The following PRKCH variants were observed in gnomAD, a reference collection of about 807,000 sequenced individuals.
PRKCH encodes protein kinase C eta, also known as protein kinase C eta type.
A neutral mutation model predicts 82.5 loss-of-function variants in PRKCH; 28 were observed. The observed-to-expected ratio is 0.34, with a 90% CI of 0.25 to 0.47. The LOEUF (loss-of-function observed/expected upper bound fraction) is 0.47, where lower values mean the gene tolerates loss of function less well. Ranked by LOEUF, PRKCH falls within the 20% of genes least tolerant of loss-of-function variation. The pLI is 1.00. For missense variants in PRKCH, 705 were observed against 881.8 expected, an observed-to-expected ratio of 0.80 and a Z score of 2.54; for synonymous variants, 322 against 327.4, an observed-to-expected ratio of 0.98 and a Z score of 0.18.
chr14:61,416,310 C>T (rs1332582325), intron 2 of PRKCH, among the ~76,000 whole-genome samples: 1 of 152,110 alleles, frequency 6.6e-6, no homozygotes, highest in African/African-American at 2.4e-5. Flanking sequence ...TGGCCTCTGC[C>T]TCCCAAAGTG....
intron 4 of PRKCH, among the ~76,000 whole-genome samples, chr14:61,447,462 T>C (rs1345984594): frequency 2.0e-5 from 3 of 152,222 alleles, no homozygotes; most frequent in Non-Finnish European, 4.4e-5. Context: ...GTTTATAGAA[T>C]ACTTCATCCA....
chr14:61,375,108 T>G (rs2046412888), intron 1 of PRKCH, among the ~76,000 whole-genome samples: 1 of 152,002 alleles, frequency 6.6e-6, no homozygotes, highest in Admixed American at 6.6e-5. Context: ...TTACCCTAAA[T>G]TATCTCTCTC....
Position 61,502,345 on chromosome 14 carries a change from G to A in PRKCH, c.1433+16689G>A, listed in dbSNP as rs146891033. Among the ~76,000 whole-genome samples the A allele has an allele frequency of 9.1e-4, 138 of 152,188 alleles. 2 individuals carry two copies. Among genetic ancestry groups the A allele is most frequent in the South Asian group, 1.7e-3 (8 of 4,826 alleles). On this transcript the variant is annotated intron_variant, in intron 10 of 13. Coordinates refer to ENST00000332981, the MANE Select transcript of PRKCH (RefSeq NM_006255.5). Reference sequence around the variant, plus strand: ...CAAAGTGCTGGGATTACAGACATGAGCCACCATGCCCATTCAATCTTTTCT... The same window carrying A: ...CAAAGTGCTGGGATTACAGACATGAACCACCATGCCCATTCAATCTTTTCT...
At chr14:61,217,653 A>G (rs182473032) in intron 1 of PRKCH, among the ~76,000 whole-genome samples, 1 of 152,264 alleles carries the variant, frequency 6.6e-6, no homozygotes, top group East Asian at 1.9e-4. Flanking sequence ...ACTAATGGGA[A>G]TGCCACCAGA....
chr14:61,533,902 G>A (rs2043074732), intron 12 of PRKCH, among the ~76,000 whole-genome samples: 1 of 152,204 alleles, frequency 6.6e-6, no homozygotes, highest in African/African-American at 2.4e-5. Context: ...AGCAAGGTGT[G>A]CTATGCCAAC....
intron 2 of PRKCH, among the ~76,000 whole-genome samples, chr14:61,411,687 A>G (rs909754144): frequency 1.3e-5 from 2 of 152,190 alleles, no homozygotes; most frequent in African/African-American, 4.8e-5. Context: ...TGAGTTGAGG[A>G]TTGGATCTGA....
chr14:61,540,136 A>G (rs149684406), intron 12 of PRKCH, among the ~76,000 whole-genome samples: 27 of 152,298 alleles, frequency 1.8e-4, no homozygotes, highest in Admixed American at 8.5e-4. Context: ...AGGCTGAAGG[A>G]TGCCTCGGAT....
chr14:61,540,620 G>C (rs2043171121), intron 12 of PRKCH, among the ~76,000 whole-genome samples: 1 of 152,198 alleles, frequency 6.6e-6, no homozygotes, highest in Non-Finnish European at 1.5e-5. Context: ...TGCAACAAAG[G>C]AGTATGCAGC....
chr14:61,471,948 T>G (rs772290442), intron 9 of PRKCH, among the ~76,000 whole-genome samples: 6 of 152,214 alleles, frequency 3.9e-5, no homozygotes, highest in Non-Finnish European at 7.3e-5. Context: ...GCCAAATGTG[T>G]CAGACCTTCT....
intron 1 of PRKCH, among the ~76,000 whole-genome samples, chr14:61,235,582 T>A (rs1208698814): frequency 6.6e-6 from 1 of 152,170 alleles, no homozygotes; most frequent in Non-Finnish European, 1.5e-5. Context: ...CAGTACTAGG[T>A]ATGGGAAACA....
At chr14:61,536,629 G>A (rs2043113221) in intron 12 of PRKCH, among the ~76,000 whole-genome samples, 1 of 152,110 alleles carries the variant, frequency 6.6e-6, no homozygotes, top group South Asian at 2.1e-4. Context: ...GGGGAAACTG[G>A]TCAGACACCT....
intron 1 of PRKCH, among the ~76,000 whole-genome samples, chr14:61,216,309 T>C (rs2044616059): frequency 6.6e-6 from 1 of 151,716 alleles, no homozygotes; most frequent in African/African-American, 2.4e-5. Context: ...CTACTAAAAA[T>C]ACAAAATTAG....
At chr14:61,341,462 C>T (rs1301535142) in intron 1 of PRKCH, among the ~76,000 whole-genome samples, 1 of 152,188 alleles carries the variant, frequency 6.6e-6, no homozygotes, top group African/African-American at 2.4e-5. Flanking sequence ...GCCACATGCA[C>T]ATGTCAGCAC....
At chr14:61,498,726 A>C (rs10459519) in intron 10 of PRKCH, among the ~76,000 whole-genome samples, 128,800 of 152,090 alleles carry the variant, frequency 0.85, 54,585 homozygotes, top group Middle Eastern at 0.9. Context: ...TAAGGTCACA[A>C]ATTCCATCAT....
At chr14:61,278,523 C>G (rs1243972049) in intron 1 of PRKCH, 2 of 152,174 alleles carry the variant, frequency 1.3e-5, no homozygotes, top group Non-Finnish European at 2.9e-5. Flanking sequence ...TATTACTTAA[C>G]TGCTAAAAAG....
At chr14:61,266,689 C>G (rs554075115) in intron 1 of PRKCH, among the ~76,000 whole-genome samples, 2 of 152,080 alleles carry the variant, frequency 1.3e-5, no homozygotes, top group African/African-American at 4.8e-5. Context: ...AATTGTCTCA[C>G]GAGAATATGT....
intron 12 of PRKCH, among the ~76,000 whole-genome samples, chr14:61,542,173 C>A (rs533835683): frequency 1.3e-4 from 20 of 151,912 alleles, no homozygotes; most frequent in Non-Finnish European, 2.5e-4. Flanking sequence ...ACCTGTAATC[C>A]CAGCTACTCG....
intron 1 of PRKCH, among the ~76,000 whole-genome samples, chr14:61,293,615 G>T (rs1237602479): frequency 6.6e-6 from 1 of 152,260 alleles, no homozygotes; most frequent in African/African-American, 2.4e-5. Context: ...AAAAATCAGA[G>T]CTATTTATTA....
At chr14:61,296,490 G>T (rs1369420131) in intron 1 of PRKCH, among the ~76,000 whole-genome samples, 1 of 152,058 alleles carries the variant, frequency 6.6e-6, no homozygotes, top group East Asian at 1.9e-4. Context: ...CATGCCACGG[G>T]GTGCATCTTT....
Sources: gnomAD v4.1 joint callset for allele counts (sites outside exome capture counted in the v4.1 genomes callset) on GRCh38, gnomAD v4.1.1 for gene constraint, MANE v1.5 for transcripts, NCBI Gene and HGNC (gene_info 2026-07-23, HGNC 2026-07-21) for gene names.